Variants in ABCC1 observed in about 807,000 individuals in gnomAD.
ABCC1 encodes the protein multidrug resistance-associated protein 1.
Under a neutral mutation model 172.9 loss-of-function variants are expected in ABCC1, and 83 were observed. The ratio of observed to expected loss-of-function variants is 0.48; its 90% CI spans 0.40 to 0.58. The LOEUF (loss-of-function observed/expected upper bound fraction) is 0.58, where lower values mean the gene tolerates loss of function less well. Ranked by LOEUF, ABCC1 falls within the 20% of genes least tolerant of loss-of-function variation. The pLI is 0.00. For synonymous variants in ABCC1, 937 were observed against 825.2 expected (o/e 1.14, Z -2.32); for missense variants, 1,817 against 2,002.7 (o/e 0.91, Z 1.77).
chr16:16,131,992 C>T lies in ABCC1; in HGVS notation c.3966+57C>T, dbSNP rs572856322. ...TTCCCAGTCGGGCACAGGGTGCCAT[C>T]GGGCAGGTGAACCTAGCTGCAGCGT... On this transcript the variant is annotated intron_variant, in intron 27 of 30. Coordinates refer to ENST00000399410, the MANE Select transcript of ABCC1 (RefSeq NM_004996.4). 330 of 1,581,450 alleles carry T rather than the reference C, an allele frequency of 2.1e-4. No homozygotes were observed. The African/African-American group carries it at 2.6e-3, about 13-fold the overall frequency.
rs1053512233 is a variant in ABCC1, at chr16:15,985,841, G to A, written c.49-21975G>A. The stretch of plus-strand genomic sequence containing the variant: ...CGGGAGTCAGAGGTCCAAAATGTAC[G>A]GCTGGTGTTCTTTCCGGAAGCTTGC... On this transcript the variant is annotated intron_variant, in intron 1 of 30. Transcript: ENST00000399410. Among the ~76,000 whole-genome samples, 9 of 152,162 alleles carry A rather than the reference G, an allele frequency of 5.9e-5. 1 individual carries two copies. Among genetic ancestry groups the A allele is most frequent in the East Asian group, 3.9e-4 (2 of 5,166 alleles).
intron 12 of ABCC1, among the ~76,000 whole-genome samples, chr16:16,057,535 TAAAA>T (rs11399369): frequency 6.9e-6 from 1 of 145,540 alleles, no homozygotes; most frequent in Non-Finnish European, 1.5e-5. Context: ...TCATCCATTG[TAAAA>T]AAAAAAAAAT....
intron 11 of ABCC1, among the ~76,000 whole-genome samples, chr16:16,053,122 A>T (rs774028371): frequency 6.6e-6 from 1 of 152,130 alleles, no homozygotes; most frequent in Non-Finnish European, 1.5e-5. Context: ...CTGGAATCAG[A>T]AGGTCTGTGA....
At position 16,114,958 on chromosome 16, in the gene ABCC1, T is replaced by C. The variant is rs963597210; in HGVS notation, c.3272T>C (p.Ile1091Thr). The C allele has an allele frequency of 1.9e-6, 3 of 1,614,182 alleles. No individual in the cohort carries two copies. The highest frequency in any genetic ancestry group is 2.5e-6 in the Non-Finnish European group (3 of 1,180,018). The change falls in exon 23 of 31, where the codon ATC becomes ACC. Residue 1091 changes from isoleucine to threonine, a missense_variant. Physicochemically the swap from Ile to Thr is moderately conservative, Grantham distance 89. Around this residue, in one of 3 missense-constraint regions of ABCC1, gnomAD observed 1,412 missense variants for 1,600.3 expected, o/e 0.88. Transcript: ENST00000399410. ...DTVDSMIPEVIKMFMGSLFNV... is the reference protein window; with the variant it reads ...DTVDSMIPEVTKMFMGSLFNV... ...GTGGACTCCATGATCCCGGAGGTCA[T>C]CAAGATGTTCATGGGCTCCCTGTTC...
At chr16:16,033,259 C>G (rs1216677107) in intron 6 of ABCC1, 89 bp downstream of exon 6, 19 of 1,268,284 alleles carry the variant, frequency 1.5e-5, no homozygotes, top group Non-Finnish European at 2.2e-5. Context: ...CTCCCCCTCC[C>G]CAACTTCTCC....
intron 19 of ABCC1, chr16:16,095,349 A>G (rs2051428355): frequency 6.6e-6 from 1 of 152,376 alleles, no homozygotes; most frequent in Admixed American, 6.5e-5. Context: ...TACCTAGAGC[A>G]GTGGTTTTCC....
chr16:16,102,534 G>A lies in ABCC1; in HGVS notation c.2645-93G>A. 3 of 1,137,570 alleles carry A rather than the reference G, an allele frequency of 2.6e-6. No individual in the cohort carries two copies. The Admixed American group carries it at 6.1e-5, about 23-fold the overall frequency. 70.5% of individuals were successfully genotyped at this position (1,137,570 alleles called of 1,614,324 possible). Reference sequence around the variant, plus strand: ...CATCCTGGCGGCCAGGTGCTCTGTGGTCTCCTCACTGAAGTGGCCGGTTTT... The same window carrying A: ...CATCCTGGCGGCCAGGTGCTCTGTGATCTCCTCACTGAAGTGGCCGGTTTT... On this transcript the variant is annotated intron_variant, in intron 19 of 30. Transcript: ENST00000399410.
chr16:16,094,790 C>A (rs1178248448), intron 19 of ABCC1, among the ~76,000 whole-genome samples: 1 of 147,852 alleles, frequency 6.8e-6, no homozygotes, highest in African/African-American at 2.5e-5. Flanking sequence ...GCTGGGATTA[C>A]AGGCGTGAGC....
chr16:16,003,878 A>C (rs1251692473), intron 1 of ABCC1, among the ~76,000 whole-genome samples: 1 of 137,560 alleles, frequency 7.3e-6, no homozygotes, highest in Admixed American at 7.3e-5. Context: ...GGATGGATGA[A>C]TGAATTGGTG....
At chr16:16,081,581 C>T (rs2050806628) in intron 16 of ABCC1, among the ~76,000 whole-genome samples, 1 of 152,110 alleles carries the variant, frequency 6.6e-6, no homozygotes, top group African/African-American at 2.4e-5. Flanking sequence ...TCTGTGGGTT[C>T]TATGGTAAGG....
At chr16:15,956,011 G>C (rs1448197729) in intron 1 of ABCC1, among the ~76,000 whole-genome samples, 1 of 152,152 alleles carries the variant, frequency 6.6e-6, no homozygotes, top group East Asian at 1.9e-4. Context: ...ACTTTGGGAG[G>C]CCGAGGCAGG....
At chr16:16,024,214 G>C (rs922137526) in intron 5 of ABCC1, among the ~76,000 whole-genome samples, 2 of 152,052 alleles carry the variant, frequency 1.3e-5, no homozygotes, top group Non-Finnish European at 2.9e-5. Context: ...GCAAGACTCT[G>C]TCTCAAAAGA....
intron 1 of ABCC1, among the ~76,000 whole-genome samples, chr16:15,962,471 A>G (rs1013099256): frequency 6.6e-5 from 10 of 152,202 alleles, no homozygotes; most frequent in African/African-American, 1.7e-4. Context: ...TGAACATGGT[A>G]CTGATATTAG....
At chr16:16,076,570 T>C (rs1407710901) in intron 15 of ABCC1, among the ~76,000 whole-genome samples, 169 bp downstream of exon 15, 4 of 152,206 alleles carry the variant, frequency 2.6e-5, no homozygotes, top group Non-Finnish European at 5.9e-5. Context: ...TACACCTGCT[T>C]AGGCTGTCGT....
chr16:16,042,920 A>G (rs1234913578), intron 7 of ABCC1, among the ~76,000 whole-genome samples: 1 of 151,586 alleles, frequency 6.6e-6, no homozygotes, highest in Non-Finnish European at 1.5e-5. Context: ...GTGCAGTGGC[A>G]CAACCTCGGC....
At position 15,952,877 on chromosome 16, in the gene ABCC1, C is replaced by CAAAAAAA. The variant is rs770433015; in HGVS notation, c.48+3087_48+3093dup. 1.7e-4 allele frequency among the ~76,000 whole-genome samples: 17 copies of CAAAAAAA among 103,004 alleles called. No individual in the cohort carries two copies. The South Asian group carries it at 4.4e-3, about 26-fold the overall frequency. The allele number at this position is 103,004 out of a possible 152,430, so 67.6% of individuals were successfully genotyped here. On this transcript the variant is annotated intron_variant, in intron 1 of 30. Transcript: ENST00000399410. ...TGACCCCCGTCTCTACTAATAATAC[C>CAAAAAAA]AAAAAAAAAAAAAAAGCCTGGCATG...
At chr16:15,983,192 A>G (rs1255689811) in intron 1 of ABCC1, among the ~76,000 whole-genome samples, 3 of 152,124 alleles carry the variant, frequency 2.0e-5, no homozygotes, top group Non-Finnish European at 2.9e-5. Context: ...TGTGAGCTGA[A>G]GGATGCCCCT....
At chr16:15,984,177 T>C (rs1332460946) in intron 1 of ABCC1, among the ~76,000 whole-genome samples, 1 of 152,054 alleles carries the variant, frequency 6.6e-6, no homozygotes, top group Admixed American at 6.6e-5. Context: ...ACCCCTTCCG[T>C]GGTAGGGTGG....
intron 21 of ABCC1, among the ~76,000 whole-genome samples, chr16:16,109,838 C>T (rs1037866781): frequency 6.6e-6 from 1 of 152,188 alleles, no homozygotes; most frequent in Non-Finnish European, 1.5e-5. Flanking sequence ...CAACATGTCA[C>T]ACGTTGCTTA....
Sources: allele counts gnomAD v4.1 joint callset (sites outside exome capture counted in the v4.1 genomes callset), GRCh38; gene constraint gnomAD v4.1.1; regional missense constraint gnomAD v4.1.1; transcripts MANE v1.5; gene names NCBI Gene and HGNC (gene_info 2026-07-23, HGNC 2026-07-21).